The following MARCHF1 variants were observed in gnomAD, a reference collection of about 807,000 sequenced individuals.
The protein encoded by MARCHF1 is E3 ubiquitin-protein ligase MARCHF1.
In MARCHF1, 40 loss-of-function variants were observed where a neutral mutation model predicts 54.2. That is an observed-to-expected ratio of 0.74 (90% CI 0.57 to 0.96). The LOEUF (loss-of-function observed/expected upper bound fraction) is 0.96, where lower values mean the gene tolerates loss of function less well. MARCHF1 is among the 40% of genes least tolerant of loss of function. The probability of loss-of-function intolerance (pLI) is 0.00; values close to 1 mark genes in which losing one functional copy is unlikely to be tolerated. For missense variants in MARCHF1, 586 were observed against 656.5 expected (o/e 0.89, Z 1.17); for synonymous variants, 236 against 236.3 (o/e 1.00, Z 0.01).
chr4:164,269,933 T>C lies in MARCHF1; in HGVS notation c.-323+113937A>G, dbSNP rs566113398. On this transcript the variant is annotated intron_variant, in intron 1 of 9. Transcript: ENST00000514618. ...GCCTCCTAAATGTTCCCTCTGCTTC[T>C]GCCATGAGCCCCTGCAATCTATTTC... 2.6e-5 allele frequency among the ~76,000 whole-genome samples: 4 copies of C among 152,322 alleles called. No individual in the cohort carries two copies. The East Asian group carries it at 7.7e-4, about 29-fold the overall frequency.
intron 3 of MARCHF1, among the ~76,000 whole-genome samples, chr4:163,891,431 G>T (rs891786187): frequency 2.6e-5 from 4 of 151,746 alleles, no homozygotes; most frequent in East Asian, 3.9e-4. Context: ...ATTTTAAAAG[G>T]TTAACATAAA....
rs1381743260 is a variant in MARCHF1 at position 164,001,442 on chromosome 4, T to A, written c.-247-12733A>T. Among the ~76,000 whole-genome samples, 4 of 151,790 alleles carry A rather than the reference T, an allele frequency of 2.6e-5. No homozygotes were observed. The East Asian group carries it at 7.7e-4, about 29-fold the overall frequency. On this transcript the variant is annotated intron_variant, in intron 2 of 9. Coordinates refer to ENST00000514618, the MANE Select transcript of MARCHF1 (RefSeq NM_001394959.1). ...AAAGGAAGCAGTAGGAGGTTAAAAA[T>A]GAAGGTTGGGAGATTTGTTCCTCTA...
intron 1 of MARCHF1, among the ~76,000 whole-genome samples, chr4:164,294,887 T>C (rs1734373733): frequency 6.6e-6 from 1 of 152,196 alleles, no homozygotes; most frequent in Admixed American, 6.5e-5. Context: ...CAGAGGACAC[T>C]AAACCTCAGT....
chr4:163,786,068 G>T (rs1428835686), intron 4 of MARCHF1, among the ~76,000 whole-genome samples: 2 of 151,942 alleles, frequency 1.3e-5, no homozygotes, highest in East Asian at 3.9e-4. Flanking sequence ...GCTGAAAAAG[G>T]CCGGGAAATG....
At chr4:163,560,785 C>CA (rs1341260631) in intron 8 of MARCHF1, among the ~76,000 whole-genome samples, 3 of 152,096 alleles carry the variant, frequency 2.0e-5, no homozygotes, top group Admixed American at 1.3e-4. Flanking sequence ...AATGCTATTG[C>CA]AAATAATATT....
chr4:163,554,143 A>T (rs935435733), intron 8 of MARCHF1, among the ~76,000 whole-genome samples: 1 of 152,256 alleles, frequency 6.6e-6, no homozygotes, highest in Non-Finnish European at 1.5e-5. Context: ...AATGCAACTT[A>T]TAAATCCAAG....
intron 4 of MARCHF1, among the ~76,000 whole-genome samples, chr4:163,777,654 T>A (rs977292754): frequency 6.6e-6 from 1 of 152,268 alleles, no homozygotes; most frequent in Non-Finnish European, 1.5e-5. Context: ...CTTAAAAATT[T>A]TTAGGGGTAT....
chr4:163,545,496 C>T (rs1272866405), intron 9 of MARCHF1, 100 bp downstream of exon 9: 2 of 1,101,510 alleles, frequency 1.8e-6, no homozygotes, highest in Admixed American at 4.8e-5. Flanking sequence ...TCTAGTGTAT[C>T]ATACATGATG....
rs150029369 is a variant in MARCHF1, at chr4:163,995,206, G to A, written c.-247-6497C>T. 5.4e-4 allele frequency among the ~76,000 whole-genome samples: 82 copies of A among 152,170 alleles called. 1 individual carries two copies. The highest frequency in any genetic ancestry group is 6.8e-3 in the Middle Eastern group (2 of 294). On this transcript the variant is annotated intron_variant, in intron 2 of 9. Transcript: ENST00000514618. ...CCTTAGGTTCAATGAGTTTGCTAGAGAGGCTCACAGAACTCAGGGAAATAT... is the reference window on the plus strand; with the variant it reads ...CCTTAGGTTCAATGAGTTTGCTAGAAAGGCTCACAGAACTCAGGGAAATAT...
chr4:163,721,744 T>G lies in MARCHF1; in HGVS notation c.112-20881A>C, dbSNP rs911062263. Among the ~76,000 whole-genome samples, 8 of 152,142 alleles carry G rather than the reference T, an allele frequency of 5.3e-5. 1 individual carries two copies. Among genetic ancestry groups the G allele is most frequent in the African/African-American group, 1.9e-4 (8 of 41,386 alleles). ...TCTATTCAGGGATTCAACTTCTTCC[T>G]GGTTTAGTGTTGGGAGGGTGTATGT... On this transcript the variant is annotated intron_variant, in intron 4 of 9. Coordinates refer to ENST00000514618, the MANE Select transcript of MARCHF1 (RefSeq NM_001394959.1).
At chr4:163,915,269 TG>T (rs1454098700) in intron 3 of MARCHF1, among the ~76,000 whole-genome samples, 1 of 152,110 alleles carries the variant, frequency 6.6e-6, no homozygotes, top group Non-Finnish European at 1.5e-5. Context: ...TAATATGATA[TG>T]ATAAAAATGG....
chr4:163,828,054 C>CACACACACACACAGAGAG (rs774603753), intron 4 of MARCHF1, among the ~76,000 whole-genome samples: 6 of 148,310 alleles, frequency 4.0e-5, no homozygotes, highest in South Asian at 2.2e-4. Flanking sequence ...CACACACACA[C>CACACACACACACAGAGAG]AGACACACCT....
At chr4:163,704,831 T>A (rs1201098509) in intron 4 of MARCHF1, among the ~76,000 whole-genome samples, 1 of 151,690 alleles carries the variant, frequency 6.6e-6, no homozygotes, top group Non-Finnish European at 1.5e-5. Flanking sequence ...TAAATTGATT[T>A]AAGTTAGAGA....
At chr4:163,603,030 T>C (rs1741022835) in intron 7 of MARCHF1, among the ~76,000 whole-genome samples, 1 of 152,114 alleles carries the variant, frequency 6.6e-6, no homozygotes, top group Non-Finnish European at 1.5e-5. Flanking sequence ...AAGGATGTGA[T>C]AGATGATAAC....
At chr4:163,790,129 G>A (rs896153373) in intron 4 of MARCHF1, among the ~76,000 whole-genome samples, 4 of 152,088 alleles carry the variant, frequency 2.6e-5, no homozygotes, top group East Asian at 1.9e-4. Context: ...ACCAAGGGAC[G>A]GTTGCAAGTG....
chr4:163,976,243 T>G (rs1376315130), intron 3 of MARCHF1, among the ~76,000 whole-genome samples: 7 of 152,150 alleles, frequency 4.6e-5, no homozygotes, highest in African/African-American at 7.2e-5. Flanking sequence ...GACAAATAAC[T>G]TGTCTCTTTA....
rs145089098 is a variant in MARCHF1 at position 163,920,271 on chromosome 4, A to G, written c.-38-66102T>C. ...TCCCCTATTCCAGCTGGAAACATAG[A>G]CTTAATATTGTTAATGTGTAAGAAC... is the stretch of plus-strand genomic sequence containing the variant. On this transcript the variant is annotated intron_variant, in intron 3 of 9. Coordinates refer to ENST00000514618, the MANE Select transcript of MARCHF1 (RefSeq NM_001394959.1). Among the ~76,000 whole-genome samples the G allele has an allele frequency of 3.4e-3, 523 of 152,278 alleles. 5 individuals carry two copies. Among genetic ancestry groups the G allele is most frequent in the African/African-American group, 0.012 (501 of 41,550 alleles).
chr4:163,872,177 T>C (rs1224138503), intron 3 of MARCHF1, among the ~76,000 whole-genome samples: 1 of 152,250 alleles, frequency 6.6e-6, no homozygotes, highest in African/African-American at 2.4e-5. Flanking sequence ...TGCATTGCAT[T>C]GGCCAGCCCT....
intron 4 of MARCHF1, among the ~76,000 whole-genome samples, chr4:163,801,079 C>G (rs1748069197): frequency 6.6e-6 from 1 of 152,184 alleles, no homozygotes; most frequent in East Asian, 1.9e-4. Context: ...AAAACTGTCT[C>G]TAACTTTATT....
Sources: allele counts gnomAD v4.1 joint callset (sites outside exome capture counted in the v4.1 genomes callset), GRCh38; gene constraint gnomAD v4.1.1; transcripts MANE v1.5; gene names NCBI Gene and HGNC (gene_info 2026-07-23, HGNC 2026-07-21).